The following ASTN2 variants were observed in gnomAD, a reference collection of about 807,000 sequenced individuals.
ASTN2 encodes the protein astrotactin 2.
In ASTN2, 54 loss-of-function variants were observed where a neutral mutation model predicts 139.8. That is an observed-to-expected ratio of 0.39 (90% CI 0.31 to 0.48). The LOEUF is 0.48. Among genes scored for constraint, ASTN2 ranks in the 20% least tolerant of loss-of-function variants. The pLI, the probability that ASTN2 is intolerant of heterozygous loss-of-function variation, is 0.95. For missense variants in ASTN2, 1,565 were observed against 1,725.1 expected (o/e 0.91, Z 1.64); for synonymous variants, 756 against 719.5 (o/e 1.05, Z -0.81).
intron 7 of ASTN2, among the ~76,000 whole-genome samples, chr9:117,002,630 G>T (rs1193746977): frequency 6.6e-6 from 1 of 152,078 alleles, no homozygotes; most frequent in Non-Finnish European, 1.5e-5. Flanking sequence ...AACTAGAATT[G>T]GTATATACAA....
In ASTN2 at chr9:116,870,873, A is replaced by G. The variant is rs10983387; in HGVS notation, c.1890-7140T>C. On this transcript the variant is annotated intron_variant, in intron 10 of 22. Transcript: ENST00000313400. ...AAGCCAAGACAGTGACAAGTCCCTC[A>G]CTGATGCAGATTAATCATTCTCTGG... Among the ~76,000 whole-genome samples the G allele has an allele frequency of 2.2e-4, 34 of 152,292 alleles. No homozygotes were observed. In the East Asian group the frequency reaches 6.4e-3, roughly 29 times the overall value.
chr9:117,189,911 A>C (rs1335852818), intron 3 of ASTN2, among the ~76,000 whole-genome samples: 2 of 152,190 alleles, frequency 1.3e-5, no homozygotes, highest in Non-Finnish European at 2.9e-5. Context: ...TACCTTCTAG[A>C]AAGTCTTAAA....
At chr9:116,619,822 G>A (rs1024586383) in intron 18 of ASTN2, among the ~76,000 whole-genome samples, 1 of 151,274 alleles carries the variant, frequency 6.6e-6, no homozygotes, top group Non-Finnish European at 1.5e-5. Context: ...GAGCCATGGT[G>A]CTCAGCCCTT....
At chr9:116,780,397 C>T (rs571969963) in intron 13 of ASTN2, among the ~76,000 whole-genome samples, 3 of 152,344 alleles carry the variant, frequency 2.0e-5, no homozygotes, top group African/African-American at 7.2e-5. Flanking sequence ...CGTTCTCATT[C>T]TGCTCCCCAT....
intron 10 of ASTN2, among the ~76,000 whole-genome samples, chr9:116,956,206 C>T (rs140260130): frequency 0.023 from 3,456 of 149,824 alleles, 145 homozygotes; most frequent in African/African-American, 0.081. Flanking sequence ...AGTGATTCTC[C>T]TCCCTCAGCC....
chr9:116,595,570 C>T (rs902632235), intron 19 of ASTN2, among the ~76,000 whole-genome samples: 2 of 152,084 alleles, frequency 1.3e-5, no homozygotes, highest in African/African-American at 4.8e-5. Context: ...CATGGTCCGC[C>T]CACCTCAACC....
chr9:117,205,013 G>A (rs1831868921), intron 3 of ASTN2, among the ~76,000 whole-genome samples: 1 of 152,216 alleles, frequency 6.6e-6, no homozygotes, highest in African/African-American at 2.4e-5. Context: ...GGGAGGCACT[G>A]TGCTGGGCAT....
intron 1 of ASTN2, among the ~76,000 whole-genome samples, chr9:117,408,950 G>T (rs563273092): frequency 4.9e-4 from 75 of 152,246 alleles, no homozygotes; most frequent in Non-Finnish European, 1.0e-4. Context: ...AAGAGTAGAA[G>T]AATTAGATCA....
At chr9:116,554,322 A>T (rs909182013) in intron 19 of ASTN2, among the ~76,000 whole-genome samples, 7 of 152,176 alleles carry the variant, frequency 4.6e-5, no homozygotes, top group African/African-American at 1.4e-4. Context: ...AACTTGGTGG[A>T]TGTTAAGAAG....
At chr9:116,596,137 T>C (rs557972619) in intron 19 of ASTN2, among the ~76,000 whole-genome samples, 1 of 152,190 alleles carries the variant, frequency 6.6e-6, no homozygotes, top group Non-Finnish European at 1.5e-5. Flanking sequence ...ATGACATGAA[T>C]GAACCTAAAG....
At chr9:117,252,049 A>G (rs1833554029) in intron 2 of ASTN2, among the ~76,000 whole-genome samples, 1 of 152,238 alleles carries the variant, frequency 6.6e-6, no homozygotes. Context: ...TGATAAAATT[A>G]TATTCTCTAT....
chr9:116,921,481 C>T lies in ASTN2; in HGVS notation c.1889+53727G>A, dbSNP rs187078449. Among the ~76,000 whole-genome samples, 175 of 150,656 alleles carry T rather than the reference C, an allele frequency of 1.2e-3. 1 individual carries two copies. Among genetic ancestry groups the T allele is most frequent in the African/African-American group, 3.9e-3 (162 of 41,074 alleles). ...AGGTCGCCTGTAGTCCCAGCTGCTCCGGAGGCTGAGGCAGGAGAATGGTGT... is the reference window on the plus strand; with the variant it reads ...AGGTCGCCTGTAGTCCCAGCTGCTCTGGAGGCTGAGGCAGGAGAATGGTGT... On this transcript the variant is annotated intron_variant, in intron 10 of 22. Transcript: ENST00000313400.
At chr9:117,379,107 C>G (rs1199744967) in intron 1 of ASTN2, among the ~76,000 whole-genome samples, 1 of 152,108 alleles carries the variant, frequency 6.6e-6, no homozygotes, top group Non-Finnish European at 1.5e-5. Context: ...GCATGCAGAA[C>G]TGTAAGACAA....
intron 5 of ASTN2, among the ~76,000 whole-genome samples, chr9:117,060,514 G>GA (rs1839253619): frequency 1.7e-5 from 2 of 115,422 alleles, no homozygotes; most frequent in African/African-American, 8.1e-5. Flanking sequence ...AGAAAGAAAG[G>GA]AAGGAAGGAA....
chr9:116,426,150 G>A, intron 22 of ASTN2, 62 bp from the exon 23 acceptor site: 1 of 1,579,256 alleles, frequency 6.3e-7, no homozygotes. Flanking sequence ...AGACCTTTGA[G>A]GTAGTAAATG....
intron 11 of ASTN2, among the ~76,000 whole-genome samples, chr9:116,830,584 G>A (rs1031517694): frequency 3.3e-5 from 5 of 152,050 alleles, no homozygotes; most frequent in South Asian, 2.1e-4. Context: ...TAGAGGCCAG[G>A]AGTTTGAGAC....
chr9:116,485,240 C>T (rs1171948986), intron 20 of ASTN2, among the ~76,000 whole-genome samples: 1 of 151,998 alleles, frequency 6.6e-6, no homozygotes. Context: ...ACCACATTAT[C>T]CACATTTTCA....
intron 22 of ASTN2, among the ~76,000 whole-genome samples, chr9:116,434,932 G>A (rs149491438): frequency 6.6e-6 from 1 of 152,246 alleles, no homozygotes; most frequent in African/African-American, 2.4e-5. Context: ...CACAGATTTA[G>A]GAAAGATTTG....
chr9:117,295,320 T>TG (rs1320205621), intron 1 of ASTN2, among the ~76,000 whole-genome samples: 6 of 151,954 alleles, frequency 3.9e-5, no homozygotes, highest in Non-Finnish European at 7.4e-5. Flanking sequence ...AGACCCTGTC[T>TG]TTAAAATAAA....
Sources: allele counts gnomAD v4.1 joint callset (sites outside exome capture counted in the v4.1 genomes callset), GRCh38; gene constraint gnomAD v4.1.1; transcripts MANE v1.5; gene names NCBI Gene and HGNC (gene_info 2026-07-23, HGNC 2026-07-21).